The following NAALADL2 variants were observed in gnomAD, a reference collection of about 807,000 sequenced individuals.
The protein encoded by NAALADL2 is N-acetylated alpha-linked acidic dipeptidase like 2.
Under a neutral mutation model 87.2 loss-of-function variants are expected in NAALADL2, and 76 were observed. The ratio of observed to expected loss-of-function variants is 0.87; its 90% CI spans 0.72 to 1.05. The LOEUF (loss-of-function observed/expected upper bound fraction) is 1.05, where lower values mean the gene tolerates loss of function less well. NAALADL2 is among the 50% of genes least tolerant of loss of function. The probability of loss-of-function intolerance (pLI) is 0.00; values close to 1 mark genes in which losing one functional copy is unlikely to be tolerated. For synonymous variants in NAALADL2, 354 were observed against 331.0 expected (o/e 1.07, Z -0.75); for missense variants, 1,089 against 945.8 (o/e 1.15, Z -1.99).
In NAALADL2 at chr3:175,201,579, T is replaced by G. The variant is rs560385935; in HGVS notation, c.546-32352T>G. Among the ~76,000 whole-genome samples the G allele has an allele frequency of 2.6e-5, 4 of 152,290 alleles. No individual in the cohort carries two copies. In the South Asian group the frequency reaches 8.3e-4, roughly 32 times the overall value. On this transcript the variant is annotated intron_variant, in intron 2 of 13. Transcript: ENST00000454872. ...GGTTTGACAGTAAAAACAAATCATT[T>G]CAGACATTACATCTTTGTCGTGTTA...
chr3:175,170,305 ATAAAT>A (rs988881888), intron 2 of NAALADL2, among the ~76,000 whole-genome samples: 1 of 151,312 alleles, frequency 6.6e-6, no homozygotes, highest in Admixed American at 6.6e-5. Flanking sequence ...AATTTTTAAA[ATAAAT>A]TCTGTTCAAT....
At chr3:175,043,427 TG>T (rs1560508218) in intron 1 of NAALADL2, among the ~76,000 whole-genome samples, 1 of 152,030 alleles carries the variant, frequency 6.6e-6, no homozygotes, top group East Asian at 1.9e-4. Flanking sequence ...TTAGTAGAGA[TG>T]GGATTTTATC....
intron 5 of NAALADL2, among the ~76,000 whole-genome samples, chr3:175,340,340 AG>A (rs1294493704): frequency 1.3e-5 from 2 of 152,176 alleles, no homozygotes; most frequent in Non-Finnish European, 2.9e-5. Context: ...TTTAGTGCCC[AG>A]GATGACCAGA....
intron 3 of NAALADL2, among the ~76,000 whole-genome samples, chr3:174,829,564 C>T (rs1343961996): frequency 8.7e-5 from 12 of 137,896 alleles, no homozygotes; most frequent in East Asian, 4.0e-4. Context: ...TGAATAATGC[C>T]GCAATAAACA....
At chr3:174,760,994 A>G (rs1712864246) in intron 3 of NAALADL2, among the ~76,000 whole-genome samples, 1 of 152,204 alleles carries the variant, frequency 6.6e-6, no homozygotes, top group African/African-American at 2.4e-5. Context: ...CAGCTGATGC[A>G]GTACACAAGG....
At chr3:174,729,895 A>T (rs1365809266) in intron 2 of NAALADL2, among the ~76,000 whole-genome samples, 1 of 143,092 alleles carries the variant, frequency 7.0e-6, no homozygotes, top group Non-Finnish European at 1.5e-5. Flanking sequence ...GAAAAAAGAT[A>T]GTTCATTTAG....
At chr3:174,775,698 C>T (rs541467) in intron 3 of NAALADL2, among the ~76,000 whole-genome samples, 81,709 of 151,902 alleles carry the variant, frequency 0.54, 22,321 homozygotes, top group Middle Eastern at 0.67. Flanking sequence ...AGGTTGTCCA[C>T]TGGAGGAATC....
chr3:175,412,878 T>C lies in NAALADL2; in HGVS notation c.1091-34351T>C, dbSNP rs527356270. 8.8e-4 allele frequency among the ~76,000 whole-genome samples: 110 copies of C among 125,020 alleles called. 2 individuals carry two copies. In the South Asian group the frequency reaches 0.029, roughly 33 times the overall value. The allele number at this position is 125,020 out of a possible 152,430, so 82.0% of individuals were successfully genotyped here. A position where few individuals can be genotyped will look rare whatever the true frequency, so the allele number is the denominator to read the frequency against. Reference sequence around the variant, plus strand: ...TCTGGTATACTAAGGAATCAGATTATTTATTTAATTTATTTATTATTATTA... The same window carrying C: ...TCTGGTATACTAAGGAATCAGATTACTTATTTAATTTATTTATTATTATTA... On this transcript the variant is annotated intron_variant, in intron 5 of 13. Transcript: ENST00000454872.
chr3:174,937,534 T>C (rs1162568867), intron 1 of NAALADL2, among the ~76,000 whole-genome samples: 1 of 152,050 alleles, frequency 6.6e-6, no homozygotes, highest in Admixed American at 6.6e-5. Flanking sequence ...AATAATATTC[T>C]CTTCATGGAG....
intron 1 of NAALADL2, among the ~76,000 whole-genome samples, chr3:174,537,667 G>C (rs559517832): frequency 6.6e-6 from 1 of 152,156 alleles, no homozygotes; most frequent in Non-Finnish European, 1.5e-5. Context: ...AGCCAGGCTA[G>C]GTATGGCTAC....
At chr3:174,811,210 G>A (rs1469445092) in intron 3 of NAALADL2, among the ~76,000 whole-genome samples, 6 of 152,132 alleles carry the variant, frequency 3.9e-5, no homozygotes, top group Admixed American at 6.5e-5. Flanking sequence ...ACACATTGGG[G>A]CATTGCCTAG....
intron 6 of NAALADL2, among the ~76,000 whole-genome samples, chr3:175,451,544 G>T (rs570558232): frequency 1.3e-5 from 2 of 152,052 alleles, no homozygotes; most frequent in Non-Finnish European, 2.9e-5. Context: ...ATCAATCTGA[G>T]CTTGTGGTTA....
At chr3:175,050,355 T>C (rs1755213440) in intron 1 of NAALADL2, among the ~76,000 whole-genome samples, 1 of 151,820 alleles carries the variant, frequency 6.6e-6, no homozygotes, top group African/African-American at 2.4e-5. Context: ...CTCTGCCTCC[T>C]GGGTTCAAAC....
intron 5 of NAALADL2, among the ~76,000 whole-genome samples, chr3:175,382,174 T>A (rs1325060541): frequency 6.6e-6 from 1 of 152,156 alleles, no homozygotes; most frequent in Non-Finnish European, 1.5e-5. Flanking sequence ...CTGAAAATGG[T>A]TCAAGGAAAG....
chr3:175,474,179 T>C (rs1180525080), intron 9 of NAALADL2, among the ~76,000 whole-genome samples: 2 of 152,166 alleles, frequency 1.3e-5, no homozygotes, highest in Non-Finnish European at 2.9e-5. Context: ...ATTGACTAAA[T>C]TGTAAATGAC....
intron 2 of NAALADL2, among the ~76,000 whole-genome samples, chr3:175,174,166 C>T (rs1476013760): frequency 6.6e-6 from 1 of 152,108 alleles, no homozygotes; most frequent in Admixed American, 6.6e-5. Context: ...GACACATTTG[C>T]ATGCACTAAT....
intron 2 of NAALADL2, among the ~76,000 whole-genome samples, chr3:174,719,667 A>T (rs1296970790): frequency 1.3e-5 from 2 of 152,230 alleles, no homozygotes; most frequent in South Asian, 4.1e-4. Context: ...AAACACAGTT[A>T]GGAGCAAAGT....
intron 3 of NAALADL2, among the ~76,000 whole-genome samples, chr3:175,250,980 A>T (rs1005334741): frequency 6.6e-6 from 1 of 152,198 alleles, no homozygotes; most frequent in Non-Finnish European, 1.5e-5. Flanking sequence ...GGCACCCATA[A>T]AAAGAAGAGG....
intron 13 of NAALADL2, among the ~76,000 whole-genome samples, chr3:175,792,027 AAAAT>A (rs766050064): frequency 5.3e-5 from 8 of 151,932 alleles, no homozygotes; most frequent in Non-Finnish European, 8.8e-5. Context: ...CATTTAAAAA[AAAAT>A]AAATGGTACT....
Sources: allele counts gnomAD v4.1 joint callset (sites outside exome capture counted in the v4.1 genomes callset), GRCh38; gene constraint gnomAD v4.1.1; transcripts MANE v1.5; gene names NCBI Gene and HGNC (gene_info 2026-07-23, HGNC 2026-07-21).